The following GPC5 variants were observed in gnomAD, a reference collection of about 807,000 sequenced individuals.
GPC5 encodes the protein glypican 5, also known as glypican-5.
A neutral mutation model predicts 53.9 loss-of-function variants in GPC5; 47 were observed. The observed-to-expected ratio is 0.87, with a 90% CI of 0.69 to 1.11. The LOEUF (loss-of-function observed/expected upper bound fraction) is 1.11, where lower values mean the gene tolerates loss of function less well. Ranked by LOEUF, GPC5 falls within the 50% of genes most tolerant of loss-of-function variation. GPC5 has a pLI of 0.00. For missense variants in GPC5, 748 were observed against 713.1 expected (o/e 1.05, Z -0.56); for synonymous variants, 286 against 263.3 (o/e 1.09, Z -0.84).
chr13:91,569,973 G>A (rs2138985659), intron 2 of GPC5, among the ~76,000 whole-genome samples: 1 of 152,252 alleles, frequency 6.6e-6, no homozygotes, highest in South Asian at 2.1e-4. Flanking sequence ...AGGACAAATG[G>A]ACGAAGATAA....
rs76794274 is a variant in GPC5, at chr13:92,132,576, C to T, written c.1402-12254C>T. 6.5e-3 allele frequency among the ~76,000 whole-genome samples: 994 copies of T among 152,164 alleles called. 47 individuals carry two copies. The East Asian group carries it at 0.12, about 18-fold the overall frequency. ...TGTGTCCGCCCAGTCTCTGACTACA[C>T]GTGGCATATTCTTTGTGTCTCCGTA... On this transcript the variant is annotated intron_variant, in intron 6 of 7. Coordinates refer to ENST00000377067, the MANE Select transcript of GPC5 (RefSeq NM_004466.6).
intron 7 of GPC5, chr13:92,339,960 A>G (rs917894680): frequency 5.9e-5 from 9 of 152,066 alleles, no homozygotes; most frequent in African/African-American, 2.2e-4. Context: ...TCTTCATATG[A>G]GGCCAAAAAT....
chr13:91,952,203 G>A (rs2040033141), intron 6 of GPC5, among the ~76,000 whole-genome samples: 1 of 121,898 alleles, frequency 8.2e-6, no homozygotes, highest in Non-Finnish European at 2.0e-5. Context: ...GTGTGTGTGT[G>A]TGTGTATGTA....
At chr13:91,822,931 C>A (rs2038519292) in intron 5 of GPC5, among the ~76,000 whole-genome samples, 1 of 151,986 alleles carries the variant, frequency 6.6e-6, no homozygotes, top group African/African-American at 2.4e-5. Context: ...TAATATTATT[C>A]TCCTGTGCCT....
intron 7 of GPC5, among the ~76,000 whole-genome samples, chr13:92,282,322 T>C (rs766991043): frequency 3.3e-5 from 5 of 152,178 alleles, no homozygotes; most frequent in Non-Finnish European, 7.3e-5. Context: ...GAAAACACTC[T>C]GCAGGATATT....
chr13:91,547,535 A>G (rs1415850867), intron 2 of GPC5, among the ~76,000 whole-genome samples: 1 of 152,104 alleles, frequency 6.6e-6, no homozygotes, highest in Non-Finnish European at 1.5e-5. Flanking sequence ...CACCAGGCCC[A>G]GATAAGTACA....
chr13:91,915,789 T>A (rs949881030), intron 6 of GPC5, among the ~76,000 whole-genome samples: 2 of 152,182 alleles, frequency 1.3e-5, no homozygotes, highest in Admixed American at 1.3e-4. Flanking sequence ...TTCTTTTTAA[T>A]AATTGAAGTC....
At chr13:92,639,089 A>G (rs1252219085) in intron 7 of GPC5, among the ~76,000 whole-genome samples, 1 of 152,206 alleles carries the variant, frequency 6.6e-6, no homozygotes, top group Admixed American at 6.5e-5. Context: ...AATATCCTTT[A>G]GTAAGTTCAG....
intron 7 of GPC5, among the ~76,000 whole-genome samples, chr13:92,795,203 C>A (rs888110906): frequency 2.0e-5 from 3 of 152,062 alleles, no homozygotes; most frequent in African/African-American, 4.8e-5. Context: ...ACCAATGGAA[C>A]AGGACAGAGG....
chr13:92,486,829 G>A (rs1393072851), intron 7 of GPC5, among the ~76,000 whole-genome samples: 1 of 151,694 alleles, frequency 6.6e-6, no homozygotes, highest in African/African-American at 2.4e-5. Flanking sequence ...TGTGGCTAGT[G>A]GCTACTGGAT....
In GPC5 at chr13:91,400,595, G is replaced by C. The variant is rs532113079; in HGVS notation, c.163+1386G>C. Among the ~76,000 whole-genome samples, 16 of 152,246 alleles carry C rather than the reference G, an allele frequency of 1.1e-4. No individual in the cohort carries two copies. The South Asian group carries it at 1.7e-3, about 16-fold the overall frequency. On this transcript the variant is annotated intron_variant, in intron 1 of 7. Transcript: ENST00000377067. ...TGATAAAACTAAAGTGAGTTTGTGC[G>C]TGTGGGTGGTGAGGGTGTTATGATG...
At chr13:92,210,453 T>G (rs1315945412) in intron 7 of GPC5, among the ~76,000 whole-genome samples, 2 of 152,196 alleles carry the variant, frequency 1.3e-5, no homozygotes, top group Non-Finnish European at 2.9e-5. Flanking sequence ...TAAAAATAGT[T>G]GATTCTTGAA....
intron 7 of GPC5, among the ~76,000 whole-genome samples, chr13:92,622,070 C>T (rs1322498399): frequency 6.6e-6 from 1 of 152,178 alleles, no homozygotes; most frequent in Non-Finnish European, 1.5e-5. Flanking sequence ...TCCAACCCTT[C>T]CTGTTTGCCC....
chr13:91,606,408 A>G (rs1164156530), intron 2 of GPC5, among the ~76,000 whole-genome samples: 1 of 150,990 alleles, frequency 6.6e-6, no homozygotes, highest in African/African-American at 2.4e-5. Flanking sequence ...ATATTGGTCT[A>G]AAATTCTCTT....
intron 7 of GPC5, among the ~76,000 whole-genome samples, chr13:92,189,741 A>T (rs1404073039): frequency 2.0e-5 from 3 of 152,156 alleles, no homozygotes; most frequent in African/African-American, 7.2e-5. Flanking sequence ...ACAAGAACAG[A>T]TGGATAATGT....
intron 7 of GPC5, among the ~76,000 whole-genome samples, chr13:92,770,936 A>T (rs1457679352): frequency 1.3e-5 from 2 of 152,102 alleles, no homozygotes; most frequent in Non-Finnish European, 2.9e-5. Context: ...ACTCCTCATT[A>T]TTTATGGTAG....
intron 2 of GPC5, among the ~76,000 whole-genome samples, chr13:91,586,508 A>ATC (rs2032575786): frequency 4.9e-4 from 2 of 4,092 alleles, no homozygotes; most frequent in South Asian, 0.018. Flanking sequence ...GGATATATAT[A>ATC]TATATATATA....
intron 7 of GPC5, among the ~76,000 whole-genome samples, chr13:92,518,335 C>G (rs983123681): frequency 6.6e-6 from 1 of 152,048 alleles, no homozygotes; most frequent in Non-Finnish European, 1.5e-5. Context: ...TCAGATTCAC[C>G]AAAGTTGAAA....
intron 7 of GPC5, among the ~76,000 whole-genome samples, chr13:92,585,942 C>T (rs556365521): frequency 6.6e-6 from 1 of 152,292 alleles, no homozygotes; most frequent in East Asian, 1.9e-4. Flanking sequence ...AACTGTAAGT[C>T]CAGTTAAACC....
Sources: allele counts gnomAD v4.1 joint callset (sites outside exome capture counted in the v4.1 genomes callset), GRCh38; gene constraint gnomAD v4.1.1; transcripts MANE v1.5; gene names NCBI Gene and HGNC (gene_info 2026-07-23, HGNC 2026-07-21).